Variants in KCTD16 observed in about 807,000 individuals in gnomAD.
KCTD16 encodes the protein BTB/POZ domain-containing protein KCTD16.
A neutral mutation model predicts 33.2 loss-of-function variants in KCTD16; 13 were observed. The observed-to-expected ratio is 0.39, with a 90% CI of 0.25 to 0.62. The LOEUF is 0.62. KCTD16 is among the 20% of genes least tolerant of loss of function. The pLI is 0.50. For missense variants in KCTD16, 441 were observed against 525.1 expected (o/e 0.84, Z 1.57); for synonymous variants, 197 against 195.3 (o/e 1.01, Z -0.07).
chr5:144,250,828 A>G (rs1277469532), intron 3 of KCTD16, among the ~76,000 whole-genome samples: 1 of 152,162 alleles, frequency 6.6e-6, no homozygotes, highest in African/African-American at 2.4e-5. Flanking sequence ...GGGGCTAACA[A>G]TATCTATATG....
At chr5:144,379,227 A>G (rs958237541) in intron 3 of KCTD16, among the ~76,000 whole-genome samples, 1 of 152,124 alleles carries the variant, frequency 6.6e-6, no homozygotes, top group Non-Finnish European at 1.5e-5. Flanking sequence ...AACTCCCCAC[A>G]TGTTCCCATG....
chr5:144,246,637 C>G (rs1353199261), intron 3 of KCTD16, among the ~76,000 whole-genome samples: 1 of 152,108 alleles, frequency 6.6e-6, no homozygotes, highest in Non-Finnish European at 1.5e-5. Flanking sequence ...CAACAAATCA[C>G]CAAATGATAA....
chr5:144,232,336 A>G (rs1374726452), intron 3 of KCTD16, among the ~76,000 whole-genome samples: 1 of 152,200 alleles, frequency 6.6e-6, no homozygotes, highest in African/African-American at 2.4e-5. Context: ...GTTGCTAATT[A>G]CGACAACAGT....
At chr5:144,324,765 A>G (rs1363694958) in intron 3 of KCTD16, among the ~76,000 whole-genome samples, 4 of 152,222 alleles carry the variant, frequency 2.6e-5, no homozygotes, top group Non-Finnish European at 5.9e-5. Context: ...ACAAGATCAT[A>G]TCCTTTGCAG....
chr5:144,363,134 G>C (rs1485718582), intron 3 of KCTD16, among the ~76,000 whole-genome samples: 9 of 152,080 alleles, frequency 5.9e-5, no homozygotes, highest in Non-Finnish European at 1.3e-4. Context: ...TTGAGGTCAG[G>C]AGTTCGAGAC....
At chr5:144,256,914 G>A (rs1281285554) in intron 3 of KCTD16, among the ~76,000 whole-genome samples, 4 of 152,112 alleles carry the variant, frequency 2.6e-5, no homozygotes, top group Non-Finnish European at 1.5e-5. Context: ...TTGAAAAGTG[G>A]TTTAGTGATA....
chr5:144,436,106 A>T (rs903043164), intron 3 of KCTD16, among the ~76,000 whole-genome samples: 1 of 152,162 alleles, frequency 6.6e-6, no homozygotes, highest in Non-Finnish European at 1.5e-5. Context: ...TAACTAGGTG[A>T]CCTGTTGTGC....
At chr5:144,452,338 A>C (rs1753962323) in intron 3 of KCTD16, among the ~76,000 whole-genome samples, 1 of 151,898 alleles carries the variant, frequency 6.6e-6, no homozygotes, top group Non-Finnish European at 1.5e-5. Context: ...GAAGAAAATG[A>C]AACCTAAATG....
chr5:144,223,404 T>G (rs909134419), intron 3 of KCTD16, among the ~76,000 whole-genome samples: 2 of 152,118 alleles, frequency 1.3e-5, no homozygotes, highest in African/African-American at 2.4e-5. Context: ...AATAAGCTAG[T>G]AAAGAAATAA....
At chr5:144,454,529 C>T (rs1167439687) in intron 3 of KCTD16, among the ~76,000 whole-genome samples, 3 of 150,738 alleles carry the variant, frequency 2.0e-5, no homozygotes, top group Non-Finnish European at 2.9e-5. Context: ...AACATGAAAT[C>T]GGAAAGATAT....
intron 3 of KCTD16, among the ~76,000 whole-genome samples, chr5:144,352,514 T>C (rs1029763509): frequency 6.6e-6 from 1 of 152,110 alleles, no homozygotes; most frequent in Admixed American, 6.6e-5. Flanking sequence ...TGGAAAAGAG[T>C]TTCATTCCAG....
intron 3 of KCTD16, among the ~76,000 whole-genome samples, chr5:144,334,417 T>A (rs554831619): frequency 6.6e-6 from 1 of 152,276 alleles, no homozygotes; most frequent in South Asian, 2.1e-4. Flanking sequence ...CTCATAGACT[T>A]AAGGATTAAA....
chr5:144,472,168 A>G (rs1441443119), intron 3 of KCTD16, among the ~76,000 whole-genome samples: 1 of 152,232 alleles, frequency 6.6e-6, no homozygotes, highest in African/African-American at 2.4e-5. Flanking sequence ...TTAAAACTGT[A>G]TAAAGGTACT....
intron 3 of KCTD16, among the ~76,000 whole-genome samples, chr5:144,297,152 C>T (rs189518502): frequency 4.6e-5 from 7 of 152,294 alleles, no homozygotes; most frequent in African/African-American, 7.2e-5. Context: ...ATTCTAGCTC[C>T]GCTTCTTTTA....
At chr5:144,335,476 G>C (rs1429878866) in intron 3 of KCTD16, among the ~76,000 whole-genome samples, 2 of 152,174 alleles carry the variant, frequency 1.3e-5, no homozygotes, top group South Asian at 2.1e-4. Context: ...CTATGAGAAA[G>C]ATGCAAGGGG....
chr5:144,344,484 C>T (rs1172433792), intron 3 of KCTD16, among the ~76,000 whole-genome samples: 2 of 151,606 alleles, frequency 1.3e-5, no homozygotes, highest in African/African-American at 4.9e-5. Flanking sequence ...CCAGAATCTA[C>T]AAAGAACTTC....
chr5:144,267,773 C>T (rs1333862371), intron 3 of KCTD16, among the ~76,000 whole-genome samples: 1 of 152,122 alleles, frequency 6.6e-6, no homozygotes, highest in Admixed American at 6.5e-5. Context: ...TATGTTTGAG[C>T]TGACAAGATT....
intron 2 of KCTD16, chr5:144,205,278 C>T: frequency 3.0e-6 from 1 of 335,280 alleles, no homozygotes; most frequent in Non-Finnish European, 5.4e-6. Flanking sequence ...AACCTGTCAC[C>T]GAGGAGGACG....
In KCTD16 at chr5:144,326,547, A is replaced by G. The variant is rs143401751; in HGVS notation, c.832+119001A>G. Among the ~76,000 whole-genome samples the G allele has an allele frequency of 6.6e-3, 999 of 152,266 alleles. 8 individuals carry two copies. The highest frequency in any genetic ancestry group is 0.011 in the Non-Finnish European group (750 of 68,006). On this transcript the variant is annotated intron_variant, in intron 3 of 3. Coordinates refer to ENST00000512467, the MANE Select transcript of KCTD16 (RefSeq NM_020768.4). The stretch of plus-strand genomic sequence containing the variant: ...AAATAAAATAAATACTGTTTCACAT[A>G]TAAAACAAATTGGACCTTATAACTA...
Sources: allele counts gnomAD v4.1 joint callset (sites outside exome capture counted in the v4.1 genomes callset), GRCh38; gene constraint gnomAD v4.1.1; transcripts MANE v1.5; gene names NCBI Gene and HGNC (gene_info 2026-07-23, HGNC 2026-07-21).